The following CDH13 variants were observed in gnomAD, a reference collection of about 807,000 sequenced individuals.
The protein encoded by CDH13 is cadherin-13.
A neutral mutation model predicts 63.8 loss-of-function variants in CDH13; 24 were observed. That is an observed-to-expected ratio of 0.38 (90% CI 0.27 to 0.53). The LOEUF is 0.53. Ranked by LOEUF, CDH13 falls within the 20% of genes least tolerant of loss-of-function variation. The pLI, the probability that CDH13 is intolerant of heterozygous loss-of-function variation, is 0.85. For synonymous variants in CDH13, 503 were observed against 355.3 expected, an observed-to-expected ratio of 1.42 and a Z score of -4.67; for missense variants, 1,049 against 903.1, an observed-to-expected ratio of 1.16 and a Z score of -2.07.
chr16:83,370,540 T>G (rs148855575), intron 6 of CDH13, among the ~76,000 whole-genome samples: 1 of 152,138 alleles, frequency 6.6e-6, no homozygotes, highest in Non-Finnish European at 1.5e-5. Context: ...TCACAGGGGT[T>G]TGGTGTACAG....
At chr16:82,722,676 A>T (rs2032852277) in intron 1 of CDH13, among the ~76,000 whole-genome samples, 1 of 152,208 alleles carries the variant, frequency 6.6e-6, no homozygotes, top group South Asian at 2.1e-4. Context: ...AGGTAGACAG[A>T]AGGACAGGTA....
At position 83,524,108 on chromosome 16, in the gene CDH13, C is replaced by T. The variant is rs188690069; in HGVS notation, c.960+37453C>T. ...ACAGAACCCCGAAGAGCTGAAATGT[C>T]CTCATATCTGTCACGACCTTACCAT... On this transcript the variant is annotated intron_variant, in intron 7 of 13. Transcript: ENST00000567109. 8.2e-4 allele frequency among the ~76,000 whole-genome samples: 125 copies of T among 152,312 alleles called. 1 individual carries two copies. Among genetic ancestry groups the T allele is most frequent in the African/African-American group, 2.8e-3 (117 of 41,566 alleles).
intron 7 of CDH13, among the ~76,000 whole-genome samples, chr16:83,571,512 G>A (rs748370222): frequency 1.3e-5 from 2 of 152,102 alleles, no homozygotes; most frequent in Admixed American, 1.3e-4. Flanking sequence ...TTGAAAGAAT[G>A]ATCTTGAACA....
intron 6 of CDH13, among the ~76,000 whole-genome samples, chr16:83,456,868 A>T (rs1319829884): frequency 6.6e-6 from 1 of 152,214 alleles, no homozygotes; most frequent in Non-Finnish European, 1.5e-5. Flanking sequence ...AGGCTGAGGC[A>T]GGAGAGTCAC....
In CDH13 at chr16:83,782,229, T is replaced by A. The variant is rs1915578210; in HGVS notation, c.1916-1025T>A. Among the ~76,000 whole-genome samples, 3 of 152,148 alleles carry A rather than the reference T, an allele frequency of 2.0e-5. No homozygotes were observed. In the South Asian group the frequency reaches 6.2e-4, roughly 32 times the overall value. On this transcript the variant is annotated intron_variant, in intron 12 of 13. Transcript: ENST00000567109. ...CCAGAAAGGGGCACTTAAAAATACA[T>A]ATGACCCTAATCATGTGAGTGACTT...
At chr16:83,333,138 G>T (rs75531397) in intron 5 of CDH13, among the ~76,000 whole-genome samples, 1,618 of 152,172 alleles carry the variant, frequency 0.011, 37 homozygotes, top group Non-Finnish European at 9.6e-3. Flanking sequence ...TGTTACAAAG[G>T]GCTTAAAATG....
intron 5 of CDH13, among the ~76,000 whole-genome samples, chr16:83,342,243 C>G (rs2090741722): frequency 6.6e-6 from 1 of 152,230 alleles, no homozygotes; most frequent in East Asian, 1.9e-4. Flanking sequence ...GTATTCAAAC[C>G]TGTCTCATAT....
chr16:83,167,363 G>A (rs1349419418), intron 4 of CDH13, among the ~76,000 whole-genome samples: 1 of 151,844 alleles, frequency 6.6e-6, no homozygotes, highest in Admixed American at 6.6e-5. Context: ...TGGGCATGCT[G>A]GTGCATACCT....
Position 82,627,002 on chromosome 16 carries a change from C to T in CDH13, c.-91C>T. 1 of 1,442,712 alleles carries T rather than the reference C, an allele frequency of 6.9e-7. No individual in the cohort carries two copies. Among genetic ancestry groups the T allele is most frequent in the Non-Finnish European group, 9.5e-7 (1 of 1,047,842 alleles). The allele number at this position is 1,442,712 out of a possible 1,614,324, so 89.4% of individuals were successfully genotyped here. On this transcript the variant is annotated 5_prime_UTR_variant, in exon 1 of 14. Coordinates refer to ENST00000567109, the MANE Select transcript of CDH13 (RefSeq NM_001257.5). Reference sequence around the variant, plus strand: ...AGTTGGCTGGCTGGCGAGGCAGAGCCTCTCCTCAAAGCCTGGCTCCCACGG... The same window carrying T: ...AGTTGGCTGGCTGGCGAGGCAGAGCTTCTCCTCAAAGCCTGGCTCCCACGG...
At chr16:83,184,668 T>C (rs760951585) in intron 4 of CDH13, among the ~76,000 whole-genome samples, 5 of 152,100 alleles carry the variant, frequency 3.3e-5, no homozygotes, top group African/African-American at 4.8e-5. Context: ...GGCAGGAGAA[T>C]CGTCTGAACC....
At chr16:83,320,883 T>C (rs2090208819) in intron 5 of CDH13, among the ~76,000 whole-genome samples, 1 of 152,200 alleles carries the variant, frequency 6.6e-6, no homozygotes, top group African/African-American at 2.4e-5. Flanking sequence ...TGGAAGAATT[T>C]AGGAACTGCT....
chr16:83,688,893 T>C (rs1362143120), intron 10 of CDH13, among the ~76,000 whole-genome samples: 1 of 152,320 alleles, frequency 6.6e-6, no homozygotes, highest in East Asian at 1.9e-4. Flanking sequence ...AATTAAACTA[T>C]GGGATTTTTA....
intron 2 of CDH13, among the ~76,000 whole-genome samples, chr16:82,916,615 C>A (rs1042825126): frequency 2.6e-5 from 4 of 151,824 alleles, no homozygotes; most frequent in African/African-American, 9.7e-5. Context: ...AAAAGGAAGA[C>A]CTTGATAAAT....
At chr16:83,392,130 T>TA (rs1282150137) in intron 6 of CDH13, among the ~76,000 whole-genome samples, 1 of 152,146 alleles carries the variant, frequency 6.6e-6, no homozygotes, top group Non-Finnish European at 1.5e-5. Context: ...CACACTGATC[T>TA]TCTGTTAACC....
intron 3 of CDH13, among the ~76,000 whole-genome samples, chr16:83,035,405 G>A (rs765303055): frequency 1.3e-5 from 2 of 152,316 alleles, no homozygotes; most frequent in Non-Finnish European, 2.9e-5. Flanking sequence ...CACCAACCAT[G>A]TGCCAGGTGT....
At chr16:82,697,348 C>G (rs371955164) in intron 1 of CDH13, among the ~76,000 whole-genome samples, 8 of 150,194 alleles carry the variant, frequency 5.3e-5, no homozygotes, top group Middle Eastern at 3.4e-3. Context: ...CAAGATGAGG[C>G]TTTGTCACTC....
chr16:82,752,165 T>C (rs2034443143), intron 1 of CDH13, among the ~76,000 whole-genome samples: 1 of 152,192 alleles, frequency 6.6e-6, no homozygotes, highest in East Asian at 1.9e-4. Context: ...TACATGAGCC[T>C]CCTTTCCACC....
intron 1 of CDH13, among the ~76,000 whole-genome samples, chr16:82,666,643 C>G (rs903366805): frequency 2.6e-5 from 4 of 152,162 alleles, no homozygotes; most frequent in African/African-American, 9.7e-5. Flanking sequence ...CGTAGGTTAA[C>G]CATACAACAA....
intron 8 of CDH13, among the ~76,000 whole-genome samples, chr16:83,625,672 A>G (rs918164102): frequency 6.6e-6 from 1 of 152,160 alleles, no homozygotes; most frequent in Non-Finnish European, 1.5e-5. Context: ...ACTTGTAATT[A>G]GCTGGAGCAC....
Sources: gnomAD v4.1 joint callset for allele counts (sites outside exome capture counted in the v4.1 genomes callset) on GRCh38, gnomAD v4.1.1 for gene constraint, MANE v1.5 for transcripts, NCBI Gene and HGNC (gene_info 2026-07-23, HGNC 2026-07-21) for gene names.